CACNA2D3: variants seen among roughly 807,000 people sequenced by gnomAD.
CACNA2D3 encodes the protein calcium voltage-gated channel auxiliary subunit alpha2delta 3, also known as voltage-dependent calcium channel subunit alpha-2/delta-3.
A neutral mutation model predicts 160.6 loss-of-function variants in CACNA2D3; 60 were observed. The ratio of observed to expected loss-of-function variants is 0.37; its 90% CI spans 0.30 to 0.46. CACNA2D3 has a LOEUF of 0.46. CACNA2D3 is among the 20% of genes least tolerant of loss of function. The probability of loss-of-function intolerance (pLI) is 1.00; values close to 1 mark genes in which losing one functional copy is unlikely to be tolerated. For missense variants in CACNA2D3, 1,205 were observed against 1,365.0 expected (o/e 0.88, Z 1.85); for synonymous variants, 558 against 492.9 (o/e 1.13, Z -1.75).
intron 27 of CACNA2D3, among the ~76,000 whole-genome samples, chr3:54,956,967 A>G (rs1474007802): frequency 6.6e-6 from 1 of 152,060 alleles, no homozygotes; most frequent in Non-Finnish European, 1.5e-5. Context: ...GAGGCCCATA[A>G]CTTTCTTCTA....
In CACNA2D3 at chr3:54,585,648, T is replaced by C. The variant is rs150396288; in HGVS notation, c.963+3771T>C. On this transcript the variant is annotated intron_variant, in intron 9 of 37. Transcript: ENST00000474759. ...GGAAAGAGCAAAGGCACATCTTACA[T>C]GGCAGCAGGCAAGAGAGCATGTGCA... Among the ~76,000 whole-genome samples, 153 of 152,306 alleles carry C rather than the reference T, an allele frequency of 1.0e-3. 1 individual carries two copies. The highest frequency in any genetic ancestry group is 3.6e-3 in the African/African-American group (148 of 41,578).
At chr3:54,432,984 A>T (rs541997638) in intron 4 of CACNA2D3, among the ~76,000 whole-genome samples, 11 of 150,560 alleles carry the variant, frequency 7.3e-5, no homozygotes, top group East Asian at 4.5e-4. Flanking sequence ...TTATTTTTTT[A>T]AAAAATTCAA....
intron 35 of CACNA2D3, among the ~76,000 whole-genome samples, chr3:55,066,128 G>A (rs1704630558): frequency 6.6e-6 from 1 of 152,122 alleles, no homozygotes; most frequent in Non-Finnish European, 1.5e-5. Flanking sequence ...CTGGGGCAGG[G>A]CAGGTGGGGG....
At chr3:54,561,382 T>A (rs2106703996) in intron 5 of CACNA2D3, among the ~76,000 whole-genome samples, 1 of 152,352 alleles carries the variant, frequency 6.6e-6, no homozygotes, top group African/African-American at 2.4e-5. Flanking sequence ...AGCTTCACTG[T>A]CGTTAGTGTA....
At chr3:54,984,563 A>G in intron 29 of CACNA2D3, 45 bp from the exon 30 acceptor site, 2 of 1,136,472 alleles carry the variant, frequency 1.8e-6, no homozygotes, top group Non-Finnish European at 2.6e-6. Flanking sequence ...GATGGCCCGA[A>G]GTTGAAGCTG....
chr3:54,797,063 G>A (rs763863136), intron 13 of CACNA2D3, among the ~76,000 whole-genome samples: 29 of 152,140 alleles, frequency 1.9e-4, no homozygotes, highest in Non-Finnish European at 3.7e-4. Flanking sequence ...TCTTTCAAGT[G>A]ACCCTAGAAG....
At chr3:54,278,934 G>A (rs576205040) in intron 2 of CACNA2D3, among the ~76,000 whole-genome samples, 4 of 152,262 alleles carry the variant, frequency 2.6e-5, no homozygotes, top group Admixed American at 1.3e-4. Flanking sequence ...GTATACCTAT[G>A]TAACAAACCT....
intron 14 of CACNA2D3, 66 bp from the exon 15 acceptor site, chr3:54,837,093 G>A (rs773053497): frequency 1.3e-4 from 172 of 1,354,476 alleles, no homozygotes; most frequent in Non-Finnish European, 1.7e-4. Flanking sequence ...GATTGTCAAG[G>A]GGGTGGCCTC....
Position 54,625,986 on chromosome 3 carries a change from GAGAA to G in CACNA2D3, c.964-1794_964-1791del, listed in dbSNP as rs202170390. ...GTTGTTGGGTGTTAGGGCGTGGTAAGAGAAAGAAAGCCACTCCTTAGCAAGGAAA... is the reference window on the plus strand; with the variant it reads ...GTTGTTGGGTGTTAGGGCGTGGTAAGAGAAAGCCACTCCTTAGCAAGGAAA... On this transcript the variant is annotated intron_variant, in intron 9 of 37. Transcript: ENST00000474759. Among the ~76,000 whole-genome samples, 862 of 152,304 alleles carry G rather than the reference GAGAA, an allele frequency of 5.7e-3. 10 individuals carry two copies. Among genetic ancestry groups the G allele is most frequent in the African/African-American group, 0.02 (814 of 41,570 alleles).
At chr3:54,798,041 GA>G (rs1702902338) in intron 13 of CACNA2D3, among the ~76,000 whole-genome samples, 1 of 152,170 alleles carries the variant, frequency 6.6e-6, no homozygotes, top group Non-Finnish European at 1.5e-5. Context: ...AAAATCCCGT[GA>G]AAAGTGTGAC....
chr3:54,921,995 T>A (rs142325900), intron 27 of CACNA2D3, among the ~76,000 whole-genome samples: 1,593 of 151,974 alleles, frequency 0.01, 37 homozygotes, highest in African/African-American at 0.036. Context: ...CTGTCTCCCA[T>A]GTTTGACACA....
intron 2 of CACNA2D3, among the ~76,000 whole-genome samples, chr3:54,125,767 T>A (rs573858719): frequency 6.6e-6 from 1 of 152,212 alleles, no homozygotes; most frequent in Non-Finnish European, 1.5e-5. Context: ...GTTCAGAGTA[T>A]GAATGGGAGT....
intron 4 of CACNA2D3, among the ~76,000 whole-genome samples, chr3:54,409,167 G>A (rs1350381240): frequency 4.6e-5 from 7 of 152,116 alleles, no homozygotes; most frequent in East Asian, 3.8e-4. Flanking sequence ...TACTGGTGCC[G>A]TTTTTTCCAA....
chr3:54,376,505 G>C (rs1473347), intron 3 of CACNA2D3, among the ~76,000 whole-genome samples: 34,595 of 152,078 alleles, frequency 0.23, 4,051 homozygotes, highest in Admixed American at 0.3. Context: ...AAAGCACTTA[G>C]GACAGCTTGG....
intron 4 of CACNA2D3, among the ~76,000 whole-genome samples, chr3:54,459,710 C>T (rs1185009509): frequency 6.6e-6 from 1 of 151,958 alleles, no homozygotes; most frequent in Non-Finnish European, 1.5e-5. Flanking sequence ...AATTTTCTCC[C>T]ATTTTGTAGG....
intron 2 of CACNA2D3, among the ~76,000 whole-genome samples, chr3:54,172,072 G>A (rs892505945): frequency 3.3e-5 from 5 of 152,200 alleles, no homozygotes; most frequent in Non-Finnish European, 7.3e-5. Flanking sequence ...TTCCTTGCGA[G>A]CACTCCTTTG....
intron 2 of CACNA2D3, among the ~76,000 whole-genome samples, chr3:54,232,053 G>T (rs1383211293): frequency 6.6e-6 from 1 of 152,244 alleles, no homozygotes; most frequent in East Asian, 1.9e-4. Context: ...CCTCCTCTGT[G>T]GCCTTGGGGG....
In CACNA2D3 at chr3:54,527,042, T is replaced by G. The variant is rs569564333; in HGVS notation, c.544+23388T>G. 2.6e-5 allele frequency among the ~76,000 whole-genome samples: 4 copies of G among 152,302 alleles called. No homozygotes were observed. In the East Asian group the frequency reaches 5.8e-4, roughly 22 times the overall value. ...TTCTCTCTTTTTTTAAACCATGCCG[T>G]GGGGCATGAATTGCTCCACAGTCTG... On this transcript the variant is annotated intron_variant, in intron 5 of 37. Coordinates refer to ENST00000474759, the MANE Select transcript of CACNA2D3 (RefSeq NM_018398.3).
At chr3:54,626,916 T>A (rs1699129381) in intron 9 of CACNA2D3, among the ~76,000 whole-genome samples, 1 of 152,148 alleles carries the variant, frequency 6.6e-6, no homozygotes, top group African/African-American at 2.4e-5. Flanking sequence ...TCGCAGTTAC[T>A]TTCTTTAGTC....
Sources: gnomAD v4.1 joint callset for allele counts (sites outside exome capture counted in the v4.1 genomes callset) on GRCh38, gnomAD v4.1.1 for gene constraint, MANE v1.5 for transcripts, NCBI Gene and HGNC (gene_info 2026-07-23, HGNC 2026-07-21) for gene names.